Variants in ACER2 observed in about 807,000 individuals in gnomAD.
ACER2 encodes the protein alkCDase 2.
ACER2 carries 26 observed loss-of-function variants against 34.7 expected under a neutral mutation model. The observed-to-expected ratio is 0.75, with a 90% confidence interval of 0.55 to 1.04. The LOEUF (loss-of-function observed/expected upper bound fraction) is 1.04. Ranked by LOEUF, ACER2 falls within the 50% of genes least tolerant of loss-of-function variation. ACER2 has a pLI of 0.00. For missense variants in ACER2, 352 were observed against 340.8 expected (o/e 1.03, Z -0.26); for synonymous variants, 138 against 132.1 (o/e 1.04, Z -0.31).
intron 4 of ACER2, among the ~76,000 whole-genome samples, chr9:19,439,883 C>G (rs371188534): frequency 1.3e-4 from 20 of 152,302 alleles, no homozygotes; most frequent in Admixed American, 4.6e-4. Flanking sequence ...AGGAGAATCA[C>G]TTGAATCCAG....
Position 19,409,131 on chromosome 9 carries a change from A to C in ACER2, c.47A>C (p.Glu16Ala). The change falls in exon 1 of 6, where the codon GAG becomes GCG. Residue 16 changes from glutamate (E) to alanine (A), a missense_variant. Physicochemically the swap from Glu to Ala is moderately radical, Grantham distance 107. Coordinates refer to ENST00000340967, the MANE Select transcript of ACER2 (RefSeq NM_001010887.3). Reference sequence around the variant, plus strand: ...GACCAGCTGCAGGCTGGTAGCTCGGAGGTGGACTGGTGCGAGGACAACTAC... The same window carrying C: ...GACCAGCTGCAGGCTGGTAGCTCGGCGGTGGACTGGTGCGAGGACAACTAC... ...WWDQLQAGSS[E>A]VDWCEDNYTI... The C allele has an allele frequency of 6.2e-7, 1 of 1,606,666 alleles. No individual in the cohort carries two copies. Among genetic ancestry groups the C allele is most frequent in the Non-Finnish European group, 8.5e-7 (1 of 1,177,194 alleles).
intron 1 of ACER2, among the ~76,000 whole-genome samples, chr9:19,411,930 C>A (rs1051852810): frequency 1.3e-5 from 2 of 152,046 alleles, no homozygotes; most frequent in African/African-American, 4.8e-5. Context: ...TTATTATATC[C>A]ATTTGATAAA....
intron 1 of ACER2, among the ~76,000 whole-genome samples, chr9:19,420,164 GC>G (rs1451038747): frequency 6.6e-6 from 1 of 152,166 alleles, no homozygotes; most frequent in African/African-American, 2.4e-5. Context: ...CTGTTCAGGT[GC>G]CCACCATCAT....
At chr9:19,420,060 C>T (rs1830356926) in intron 1 of ACER2, among the ~76,000 whole-genome samples, 1 of 152,176 alleles carries the variant, frequency 6.6e-6, no homozygotes, top group Non-Finnish European at 1.5e-5. Flanking sequence ...CCCTATGCCT[C>T]AAGTTCTGGG....
chr9:19,434,871 A>G, intron 3 of ACER2, 76 bp from the exon 4 acceptor site: 1 of 1,573,334 alleles, frequency 6.4e-7, no homozygotes, highest in Non-Finnish European at 8.7e-7. Context: ...CAATGCCTGT[A>G]CCTTGCTAAC....
chr9:19,409,267 C>G, intron 1 of ACER2, 75 bp downstream of exon 1: 1 of 1,433,082 alleles, frequency 7.0e-7, no homozygotes, highest in Non-Finnish European at 9.6e-7. Context: ...CGTCTGGAAG[C>G]TGGACGTGGG....
chr9:19,428,293 G>A (rs907567449), intron 3 of ACER2, among the ~76,000 whole-genome samples: 24 of 151,256 alleles, frequency 1.6e-4, no homozygotes, highest in Non-Finnish European at 3.4e-4. Context: ...TCAGCCTCCC[G>A]AGTCGCTGGG....
chr9:19,434,991 C>T lies in ACER2; in HGVS notation c.410C>T (p.Thr137Met), dbSNP rs769710761. The T allele has an allele frequency of 2.5e-6, 4 of 1,614,098 alleles. No homozygotes were observed. Among genetic ancestry groups the T allele is most frequent in the Non-Finnish European group, 3.4e-6 (4 of 1,180,040 alleles). Reference sequence around the variant, plus strand: ...GTCAGTGTCCTGTCTGCGGTTACGACGTGCCTGGCATTTGTCAAGCCTGCC... The same window carrying T: ...GTCAGTGTCCTGTCTGCGGTTACGATGTGCCTGGCATTTGTCAAGCCTGCC... ...VVVSVLSAVT[T>M]CLAFVKPAIN... The change falls in exon 4 of 6, where the codon ACG becomes ATG. Residue 137 changes from threonine to methionine, a missense_variant. By Grantham distance (81) the Thr-to-Met change is moderately conservative (BLOSUM62 -1). Coordinates refer to ENST00000340967, the MANE Select transcript of ACER2 (RefSeq NM_001010887.3).
chr9:19,427,110 C>G (rs1276246607), intron 3 of ACER2, among the ~76,000 whole-genome samples: 1 of 152,112 alleles, frequency 6.6e-6, no homozygotes, highest in Non-Finnish European at 1.5e-5. Context: ...TATGACTTGT[C>G]TTGACTCTTT....
At chr9:19,423,228 G>C (rs78458599) in intron 1 of ACER2, among the ~76,000 whole-genome samples, 3,415 of 152,182 alleles carry the variant, frequency 0.022, 62 homozygotes, top group Middle Eastern at 0.17. Flanking sequence ...CTTGCAATAA[G>C]AATTACTGGT....
intron 4 of ACER2, among the ~76,000 whole-genome samples, chr9:19,444,612 G>A (rs1831288141): frequency 6.6e-6 from 1 of 152,230 alleles, no homozygotes; most frequent in East Asian, 1.9e-4. Context: ...TTGTGGACGA[G>A]CTTGCACTGA....
chr9:19,422,796 C>T (rs960414176), intron 1 of ACER2, among the ~76,000 whole-genome samples: 1 of 151,912 alleles, frequency 6.6e-6, no homozygotes, highest in Non-Finnish European at 1.5e-5. Context: ...TTTGGGAGGC[C>T]TGAGACGAGT....
At chr9:19,414,630 C>T (rs532051807) in intron 1 of ACER2, among the ~76,000 whole-genome samples, 6 of 152,274 alleles carry the variant, frequency 3.9e-5, no homozygotes, top group African/African-American at 1.4e-4. Context: ...AAACCCTACC[C>T]TGTCTCTACA....
chr9:19,432,550 ATG>A (rs1019180413), intron 3 of ACER2, among the ~76,000 whole-genome samples: 3,249 of 143,628 alleles, frequency 0.023, 120 homozygotes, highest in African/African-American at 0.079. Flanking sequence ...CTATATATAT[ATG>A]TGTGTGTGTG....
At chr9:19,427,891 C>T (rs1830619889) in intron 3 of ACER2, among the ~76,000 whole-genome samples, 1 of 152,140 alleles carries the variant, frequency 6.6e-6, no homozygotes, top group South Asian at 2.1e-4. Context: ...TGGTCTCGAT[C>T]TCCTGCCCTT....
At chr9:19,438,798 G>C (rs950957089) in intron 4 of ACER2, among the ~76,000 whole-genome samples, 4 of 152,098 alleles carry the variant, frequency 2.6e-5, no homozygotes, top group African/African-American at 9.7e-5. Context: ...TGTTTGTTTT[G>C]TTTTTGAGAT....
chr9:19,430,397 A>G (rs989125105), intron 3 of ACER2, among the ~76,000 whole-genome samples: 1 of 152,216 alleles, frequency 6.6e-6, no homozygotes, highest in African/African-American at 2.4e-5. Context: ...AGTTGAAAAC[A>G]GGACCAGAGG....
In ACER2 at chr9:19,422,691, CT is replaced by C. The variant is rs71335427; in HGVS notation, c.109-1157del. On this transcript the variant is annotated intron_variant, in intron 1 of 5. Coordinates refer to ENST00000340967, the MANE Select transcript of ACER2 (RefSeq NM_001010887.3). ...CAGTCTTTTTTACGCCTTCATTAAA[CT>C]TTTTTTTTTTTTTAACCATTATTTA... 2.2e-3 allele frequency among the ~76,000 whole-genome samples: 316 copies of C among 143,656 alleles called. 1 individual carries two copies. Among genetic ancestry groups the C allele is most frequent in the Middle Eastern group, 7.2e-3 (2 of 278 alleles). 94.2% of individuals were successfully genotyped at this position (143,656 alleles called of 152,430 possible).
chr9:19,423,793 A>C (rs1830480489), intron 1 of ACER2, 69 bp from the exon 2 acceptor site: 3 of 1,154,064 alleles, frequency 2.6e-6, no homozygotes, highest in Non-Finnish European at 2.6e-6. Flanking sequence ...CATACTTGGA[A>C]GAGGCCACTT....
Sources: allele counts gnomAD v4.1 joint callset (sites outside exome capture counted in the v4.1 genomes callset), GRCh38; gene constraint gnomAD v4.1.1; transcripts MANE v1.5; gene names NCBI Gene and HGNC (gene_info 2026-07-23, HGNC 2026-07-21).